The following LRMDA variants were observed in gnomAD, a reference collection of about 807,000 sequenced individuals.
LRMDA encodes leucine rich melanocyte differentiation associated.
LRMDA carries 18 observed loss-of-function variants against 29.8 expected under a neutral mutation model. The observed-to-expected ratio is 0.60, with a 90% CI of 0.42 to 0.90. The LOEUF (loss-of-function observed/expected upper bound fraction) is 0.90, where lower values mean the gene tolerates loss of function less well. LRMDA is among the 40% of genes least tolerant of loss of function. LRMDA has a pLI of 0.00. For missense variants in LRMDA, 273 were observed against 273.9 expected (o/e 1.00, Z 0.02); for synonymous variants, 125 against 109.4 (o/e 1.14, Z -0.89).
chr10:76,479,487 A>C (rs1216537433), intron 6 of LRMDA, among the ~76,000 whole-genome samples: 1 of 151,844 alleles, frequency 6.6e-6, no homozygotes, highest in Non-Finnish European at 1.5e-5. Context: ...CCTATGAAGA[A>C]TGTAACCAAT....
In LRMDA at chr10:76,035,924, G is replaced by A. The variant is rs553217063; in HGVS notation, c.132-84G>A. ...CCAAACTATTCCCAGTCCTGAAAGG[G>A]AAGGTTAAAATATTTATTTCGGCTC... On this transcript the variant is annotated intron_variant, in intron 2 of 6. Coordinates refer to ENST00000611255, the MANE Select transcript of LRMDA (RefSeq NM_001305581.2). 813 of 1,515,476 alleles carry A rather than the reference G, an allele frequency of 5.4e-4. 4 individuals are homozygous for A. Among genetic ancestry groups the A allele is most frequent in the Middle Eastern group, 5.3e-3 (30 of 5,640 alleles). 93.9% of individuals were successfully genotyped at this position (1,515,476 alleles called of 1,614,324 possible). A position where few individuals can be genotyped will look rare whatever the true frequency, so the allele number is the denominator to read the frequency against.
At chr10:75,669,356 C>T (rs4567392) in intron 2 of LRMDA, among the ~76,000 whole-genome samples, 2,096 of 152,216 alleles carry the variant, frequency 0.014, 58 homozygotes, top group East Asian at 0.12. Context: ...TGAGAGTCCC[C>T]TTGATGAAGC....
intron 2 of LRMDA, among the ~76,000 whole-genome samples, chr10:75,780,017 G>A (rs1402051330): frequency 6.6e-6 from 1 of 152,174 alleles, no homozygotes; most frequent in Non-Finnish European, 1.5e-5. Context: ...CACACAGAGG[G>A]AAGAAGGCCA....
At chr10:75,486,649 G>T (rs985457867) in intron 2 of LRMDA, among the ~76,000 whole-genome samples, 1 of 152,078 alleles carries the variant, frequency 6.6e-6, no homozygotes, top group Non-Finnish European at 1.5e-5. Flanking sequence ...CTGGTCTGGG[G>T]GGGGCAACAT....
intron 2 of LRMDA, among the ~76,000 whole-genome samples, chr10:75,545,080 G>T (rs1840062540): frequency 6.6e-6 from 1 of 152,164 alleles, no homozygotes; most frequent in Non-Finnish European, 1.5e-5. Context: ...ACTCTTTGGA[G>T]ACATTTGATT....
At chr10:76,224,349 A>T (rs1851909788) in intron 5 of LRMDA, among the ~76,000 whole-genome samples, 4 of 151,654 alleles carry the variant, frequency 2.6e-5, no homozygotes, top group Admixed American at 2.6e-4. Context: ...AGGCAGGCAG[A>T]TTGCTTGAGC....
chr10:75,534,145 A>G (rs796753401), intron 2 of LRMDA, among the ~76,000 whole-genome samples: 20 of 152,306 alleles, frequency 1.3e-4, no homozygotes, highest in African/African-American at 3.6e-4. Context: ...TAGGTCTTTT[A>G]CAGGGAATAT....
intron 2 of LRMDA, among the ~76,000 whole-genome samples, chr10:75,493,529 G>A (rs1845011969): frequency 6.6e-6 from 1 of 152,126 alleles, no homozygotes; most frequent in African/African-American, 2.4e-5. Flanking sequence ...CTACCCTTCT[G>A]AAGAGTGCTA....
chr10:76,323,902 C>T (rs1198794687), intron 5 of LRMDA, among the ~76,000 whole-genome samples: 2 of 152,212 alleles, frequency 1.3e-5, no homozygotes, highest in African/African-American at 4.8e-5. Flanking sequence ...CAGCACAAGA[C>T]AATTTATATC....
At position 76,015,545 on chromosome 10, in the gene LRMDA, G is replaced by T. The variant is rs116149236; in HGVS notation, c.132-20463G>T. Among the ~76,000 whole-genome samples the T allele has an allele frequency of 2.9e-3, 439 of 152,268 alleles. 1 individual carries two copies. The highest frequency in any genetic ancestry group is 0.01 in the African/African-American group (424 of 41,566). ...CAGAAAGACAGAAGTCAGTGTTTTT[G>T]TAATCTTATCTTAGCAGTGATATCC... On this transcript the variant is annotated intron_variant, in intron 2 of 6. Transcript: ENST00000611255.
chr10:76,167,865 A>G (rs1190312829), intron 5 of LRMDA, among the ~76,000 whole-genome samples: 1 of 152,054 alleles, frequency 6.6e-6, no homozygotes, highest in African/African-American at 2.4e-5. Context: ...TTTTCATGAT[A>G]TTGATTTTTC....
chr10:75,991,175 A>G (rs1329552978), intron 2 of LRMDA, among the ~76,000 whole-genome samples: 1 of 152,216 alleles, frequency 6.6e-6, no homozygotes, highest in African/African-American at 2.4e-5. Flanking sequence ...ATGTATGTAC[A>G]TATACACACA....
At chr10:75,654,029 C>A (rs1182872379) in intron 2 of LRMDA, among the ~76,000 whole-genome samples, 2 of 152,176 alleles carry the variant, frequency 1.3e-5, no homozygotes, top group Non-Finnish European at 2.9e-5. Context: ...GAAGTCACAC[C>A]CATAGTCAGC....
chr10:76,254,330 C>CT (rs1564701463), intron 5 of LRMDA, among the ~76,000 whole-genome samples: 84 of 143,908 alleles, frequency 5.8e-4, no homozygotes, highest in African/African-American at 2.2e-3. Context: ...CATACCATAC[C>CT]ATACCATACC....
At chr10:76,370,219 C>T (rs2132456945) in intron 6 of LRMDA, among the ~76,000 whole-genome samples, 1 of 152,132 alleles carries the variant, frequency 6.6e-6, no homozygotes, top group Admixed American at 6.6e-5. Flanking sequence ...GAGACCCTCC[C>T]CCTAAAATTA....
intron 6 of LRMDA, among the ~76,000 whole-genome samples, chr10:76,366,059 G>C (rs1168467169): frequency 6.6e-6 from 1 of 152,030 alleles, no homozygotes; most frequent in Non-Finnish European, 1.5e-5. Flanking sequence ...GTAAGTATTT[G>C]GGTTTATTTC....
intron 2 of LRMDA, among the ~76,000 whole-genome samples, chr10:75,467,439 G>A (rs1252952741): frequency 6.6e-6 from 1 of 152,210 alleles, no homozygotes; most frequent in African/African-American, 2.4e-5. Flanking sequence ...TGTTTGAGAA[G>A]AAGAAGACCT....
intron 6 of LRMDA, among the ~76,000 whole-genome samples, chr10:76,387,336 T>A (rs912103613): frequency 6.6e-6 from 1 of 152,180 alleles, no homozygotes; most frequent in Admixed American, 6.5e-5. Flanking sequence ...GCATAGTGGC[T>A]CATGCCTATA....
In LRMDA at chr10:76,293,793, C is replaced by T. The variant is rs566333128; in HGVS notation, c.517-30608C>T. Among the ~76,000 whole-genome samples the T allele has an allele frequency of 2.0e-5, 3 of 152,306 alleles. No homozygotes were observed. In the East Asian group the frequency reaches 5.8e-4, roughly 29 times the overall value. Reference sequence around the variant, plus strand: ...GGCTATGAAAAATGGCTCAAACCACCATCTATTCCTCCCATTTATCTCTGA... The same window carrying T: ...GGCTATGAAAAATGGCTCAAACCACTATCTATTCCTCCCATTTATCTCTGA... On this transcript the variant is annotated intron_variant, in intron 5 of 6. Coordinates refer to ENST00000611255, the MANE Select transcript of LRMDA (RefSeq NM_001305581.2).
Sources: allele counts gnomAD v4.1 joint callset (sites outside exome capture counted in the v4.1 genomes callset), GRCh38; gene constraint gnomAD v4.1.1; transcripts MANE v1.5; gene names NCBI Gene and HGNC (gene_info 2026-07-23, HGNC 2026-07-21).